The following ASRGL1 variants were observed in gnomAD, a reference collection of about 807,000 sequenced individuals.
The protein encoded by ASRGL1 is asparaginase and isoaspartyl peptidase 1, also known as isoaspartyl peptidase/L-asparaginase.
Under a neutral mutation model 22.4 loss-of-function variants are expected in ASRGL1, and 16 were observed. That is an observed-to-expected ratio of 0.71 (90% CI 0.48 to 1.08). The LOEUF (loss-of-function observed/expected upper bound fraction) is 1.08. ASRGL1 is among the 50% of genes least tolerant of loss of function. The pLI is 0.00. For synonymous variants in ASRGL1, 165 were observed against 159.3 expected, an observed-to-expected ratio of 1.04 and a Z score of -0.27; for missense variants, 412 against 410.1, an observed-to-expected ratio of 1.00 and a Z score of -0.04.
intron 4 of ASRGL1, among the ~76,000 whole-genome samples, chr11:62,359,954 ATTAC>A (rs1387295335): frequency 7.9e-5 from 12 of 151,112 alleles, no homozygotes; most frequent in African/African-American, 2.9e-4. Context: ...ATATTTTACA[ATTAC>A]TTTTGTAACT....
intron 4 of ASRGL1, chr11:62,372,133 G>A (rs1946788067): frequency 4.8e-6 from 4 of 832,800 alleles, no homozygotes; most frequent in Non-Finnish European, 2.1e-6. Flanking sequence ...TGTGGAGCTG[G>A]GGTCGAAATG....
intron 4 of ASRGL1, among the ~76,000 whole-genome samples, chr11:62,374,334 G>A (rs1185991112): frequency 6.6e-6 from 1 of 152,192 alleles, no homozygotes; most frequent in African/African-American, 2.4e-5. Context: ...TGAGTTATGA[G>A]GTGCCTTTCC....
chr11:62,392,324 C>A lies in ASRGL1; in HGVS notation c.*40C>A. The A allele has an allele frequency of 6.2e-7, 1 of 1,601,592 alleles. No individual in the cohort carries two copies. Among genetic ancestry groups the A allele is most frequent in the Non-Finnish European group, 8.5e-7 (1 of 1,170,306 alleles). On this transcript the variant is annotated 3_prime_UTR_variant, in exon 7 of 7. Coordinates refer to ENST00000415229, the MANE Select transcript of ASRGL1 (RefSeq NM_001083926.2). Reference sequence around the variant, plus strand: ...GTATTCCAGATGCTAGCTTAGAGGTCAAGTACAGTCTCCTCATGAGACATA... The same window carrying A: ...GTATTCCAGATGCTAGCTTAGAGGTAAAGTACAGTCTCCTCATGAGACATA...
intron 4 of ASRGL1, chr11:62,373,236 TGGGAC>T: frequency 1.2e-6 from 1 of 807,250 alleles, no homozygotes; most frequent in Non-Finnish European, 2.2e-6. Flanking sequence ...CCATGTGCAC[TGGGAC>T]GGGAAGTCAA....
At chr11:62,387,706 GTTTTTTGT>G (rs905905893) in intron 4 of ASRGL1, among the ~76,000 whole-genome samples, 1 of 152,028 alleles carries the variant, frequency 6.6e-6, no homozygotes, top group African/African-American at 2.4e-5. Context: ...TTTTGTTTGG[GTTTTTTGT>G]TTTTTTGTTT....
At chr11:62,388,472 G>A (rs1947264561) in intron 4 of ASRGL1, among the ~76,000 whole-genome samples, 1 of 152,012 alleles carries the variant, frequency 6.6e-6, no homozygotes, top group Admixed American at 6.6e-5. Context: ...TTTGAGACCA[G>A]CCTGGCCAAG....
At chr11:62,372,099 T>G (rs1946787571) in intron 4 of ASRGL1, 5 of 777,568 alleles carry the variant, frequency 6.4e-6, no homozygotes, top group Non-Finnish European at 1.2e-5. Context: ...GCACACAGCC[T>G]CCTCATCACC....
At chr11:62,373,213 G>A (rs1946822157) in intron 4 of ASRGL1, 2 of 911,872 alleles carry the variant, frequency 2.2e-6, no homozygotes, top group East Asian at 2.4e-5. Flanking sequence ...ACCTCTCATG[G>A]CAGCTGTCAT....
At chr11:62,343,926 T>TC (rs1311788878) in intron 2 of ASRGL1, among the ~76,000 whole-genome samples, 1 of 146,784 alleles carries the variant, frequency 6.8e-6, no homozygotes, top group Non-Finnish European at 1.5e-5. Flanking sequence ...TTCTTTTTTT[T>TC]TTTTTTTTTT....
chr11:62,396,772 A>AT (rs11351188), downstream of ASRGL1, among the ~76,000 whole-genome samples: 27 of 149,986 alleles, frequency 1.8e-4, no homozygotes, highest in East Asian at 3.7e-3. Context: ...GCCTGGGGTG[A>AT]TTTTTTTTTT....
downstream of ASRGL1, among the ~76,000 whole-genome samples, chr11:62,396,248 C>T (rs1305622028): frequency 6.6e-6 from 1 of 151,368 alleles, no homozygotes; most frequent in Non-Finnish European, 1.5e-5. Flanking sequence ...GGGCCTGGAA[C>T]ACAGTGGAGG....
rs114696494 is a variant in ASRGL1 at position 62,344,830 on chromosome 11, T to C, written c.190+6663T>C. ...CAAATACTAACTCATATTCATTCTA[T>C]TTTTTGTACCCATTACTTATCCCCA... On this transcript the variant is annotated intron_variant, in intron 2 of 6. Coordinates refer to ENST00000415229, the MANE Select transcript of ASRGL1 (RefSeq NM_001083926.2). Among the ~76,000 whole-genome samples the C allele has an allele frequency of 4.6e-3, 699 of 152,340 alleles. 10 individuals carry two copies. The highest frequency in any genetic ancestry group is 0.016 in the African/African-American group (670 of 41,586).
At position 62,377,006 on chromosome 11, in the gene ASRGL1, A is replaced by G. The variant is rs1444014466; in HGVS notation, c.492-12127A>G. ...TCCATTTGCCATAACACATTAGGACATAGACCTCTGGGATTAACTCCTGCC... is the reference window on the plus strand; with the variant it reads ...TCCATTTGCCATAACACATTAGGACGTAGACCTCTGGGATTAACTCCTGCC... On this transcript the variant is annotated intron_variant, in intron 4 of 6. Transcript: ENST00000415229. Among the ~76,000 whole-genome samples, 4 of 152,240 alleles carry G rather than the reference A, an allele frequency of 2.6e-5. No individual in the cohort carries two copies. The East Asian group carries it at 7.7e-4, about 29-fold the overall frequency.
Position 62,392,723 on chromosome 11 carries a change from G to T in ASRGL1, c.*439G>T, listed in dbSNP as rs2134709073. On this transcript the variant is annotated 3_prime_UTR_variant, in exon 7 of 7. Transcript: ENST00000415229. ...GGTGGAGCTGTTTGAAAGTGACACA[G>T]CAGCAGTAGAAGCAGTGGTGGGCGA... is the stretch of plus-strand genomic sequence containing the variant. 5.1e-6 allele frequency: 1 copy of T among 194,810 alleles called. No individual in the cohort carries two copies. The highest frequency in any genetic ancestry group is 9.8e-5 in the South Asian group (1 of 10,188). 12.1% of individuals were successfully genotyped at this position (194,810 alleles called of 1,614,324 possible).
chr11:62,357,319 G>C (rs1946326523), intron 4 of ASRGL1, 175 bp downstream of exon 4: 1 of 710,676 alleles, frequency 1.4e-6, no homozygotes, highest in Non-Finnish European at 2.1e-6. Context: ...GTGCGATCTC[G>C]GCTCACTGCA....
chr11:62,363,278 T>C (rs907455540), intron 4 of ASRGL1, among the ~76,000 whole-genome samples: 18 of 152,052 alleles, frequency 1.2e-4, no homozygotes, highest in African/African-American at 4.1e-4. Context: ...CAAAACTGCA[T>C]GTGAGATATA....
chr11:62,372,801 G>C (rs537202978), intron 4 of ASRGL1: 2 of 1,587,270 alleles, frequency 1.3e-6, no homozygotes, highest in African/African-American at 2.7e-5. Context: ...CTCCTTTGCC[G>C]TCAGTGAAGT....
chr11:62,380,253 T>A (rs994273233), intron 4 of ASRGL1, among the ~76,000 whole-genome samples: 2 of 152,164 alleles, frequency 1.3e-5, no homozygotes, highest in South Asian at 4.1e-4. Flanking sequence ...ACACTCAGGA[T>A]TGGCGTTTCC....
chr11:62,356,258 C>T, intron 2 of ASRGL1, 67 bp from the exon 3 acceptor site: 1 of 1,577,568 alleles, frequency 6.3e-7, no homozygotes. Context: ...GGGCTGACCC[C>T]CCCACCTCCC....
Sources: allele counts gnomAD v4.1 joint callset (sites outside exome capture counted in the v4.1 genomes callset), GRCh38; gene constraint gnomAD v4.1.1; transcripts MANE v1.5; gene names NCBI Gene and HGNC (gene_info 2026-07-23, HGNC 2026-07-21).